The following THRB variants were observed in gnomAD, a reference collection of about 807,000 sequenced individuals.
The protein encoded by THRB is nuclear receptor subfamily 1 group A member 2.
Under a neutral mutation model 47.8 loss-of-function variants are expected in THRB, and 12 were observed. The observed-to-expected ratio is 0.25, with a 90% CI of 0.16 to 0.41. The LOEUF (loss-of-function observed/expected upper bound fraction) is 0.41, where lower values mean the gene tolerates loss of function less well. Among genes scored for constraint, THRB ranks in the 10% least tolerant of loss-of-function variants. The pLI is 1.00. For missense variants in THRB, 348 were observed against 589.2 expected (o/e 0.59, Z 4.24); for synonymous variants, 218 against 212.2 (o/e 1.03, Z -0.24).
chr3:24,486,024 C>T (rs567744460), intron 1 of THRB, among the ~76,000 whole-genome samples: 1 of 152,220 alleles, frequency 6.6e-6, no homozygotes, highest in African/African-American at 2.4e-5. Flanking sequence ...CTCCACGGCC[C>T]CAGTTCCAAA....
intron 2 of THRB, among the ~76,000 whole-genome samples, chr3:24,335,600 G>C (rs1387958424): frequency 6.6e-6 from 1 of 152,028 alleles, no homozygotes; most frequent in Non-Finnish European, 1.5e-5. Context: ...GGTAGCCCAC[G>C]GTTCTATAAA....
intron 3 of THRB, among the ~76,000 whole-genome samples, chr3:24,243,011 C>A (rs1276045203): frequency 7.0e-6 from 1 of 143,690 alleles, no homozygotes; most frequent in African/African-American, 2.6e-5. Context: ...CTACTTAGTG[C>A]TCTGAAAGCT....
chr3:24,150,059 C>A (rs780526438), intron 6 of THRB, among the ~76,000 whole-genome samples: 1 of 152,194 alleles, frequency 6.6e-6, no homozygotes, highest in Admixed American at 6.5e-5. Flanking sequence ...ATTCAGGCAG[C>A]TGTTGAAAAG....
chr3:24,357,346 C>CAAAAAAAAAAAAAAAAAACAAAA (rs2063741695), intron 1 of THRB, among the ~76,000 whole-genome samples: 1 of 28,714 alleles, frequency 3.5e-5, no homozygotes, highest in Non-Finnish European at 6.5e-5. Flanking sequence ...TTGTCTCTCC[C>CAAAAAAAAAAAAAAAAAACAAAA]AAAAAAAAAA....
chr3:24,159,505 C>A (rs927664767), intron 5 of THRB, among the ~76,000 whole-genome samples: 2 of 152,098 alleles, frequency 1.3e-5, no homozygotes, highest in African/African-American at 4.8e-5. Flanking sequence ...CAGGTGTACT[C>A]CATTTTGACA....
In THRB at chr3:24,146,656, C is replaced by G; in HGVS notation, c.532+19G>C. 1.2e-6 allele frequency: 2 copies of G among 1,613,462 alleles called. No homozygotes were observed. Among genetic ancestry groups the G allele is most frequent in the Non-Finnish European group, 8.5e-7 (1 of 1,179,410 alleles). On this transcript the variant is annotated intron_variant, in intron 7 of 10. Transcript: ENST00000646209. ...TAATCAACATTCCTTGAATATGAAG[C>G]AAGTGAAGATCTACTTACAATCTGT...
intron 4 of THRB, among the ~76,000 whole-genome samples, chr3:24,218,658 T>C (rs994141408): frequency 1.3e-5 from 2 of 152,132 alleles, no homozygotes; most frequent in African/African-American, 4.8e-5. Context: ...CTGTTGTATG[T>C]TGTGCCCCAG....
chr3:24,242,964 G>A (rs1049393894), intron 3 of THRB, among the ~76,000 whole-genome samples: 1 of 151,480 alleles, frequency 6.6e-6, no homozygotes, highest in African/African-American at 2.4e-5. Context: ...TCATCTGTGG[G>A]GTTTTGTTTC....
At chr3:24,462,718 C>A (rs1415860686) in intron 1 of THRB, among the ~76,000 whole-genome samples, 1 of 152,116 alleles carries the variant, frequency 6.6e-6, no homozygotes, top group East Asian at 1.9e-4. Flanking sequence ...TTTGTTCCTG[C>A]CCAGATTCTT....
At chr3:24,205,946 G>A (rs1419112673) in intron 4 of THRB, among the ~76,000 whole-genome samples, 1 of 152,198 alleles carries the variant, frequency 6.6e-6, no homozygotes, top group South Asian at 2.1e-4. Context: ...AACAAGAAGA[G>A]CTAACTATCC....
At chr3:24,456,398 T>G (rs2125595866) in intron 1 of THRB, among the ~76,000 whole-genome samples, 1 of 152,076 alleles carries the variant, frequency 6.6e-6, no homozygotes, top group African/African-American at 2.4e-5. Flanking sequence ...CAATCTGTTT[T>G]GGTTGTCACC....
chr3:24,282,640 C>T (rs2054738506), intron 3 of THRB, among the ~76,000 whole-genome samples: 1 of 144,238 alleles, frequency 6.9e-6, no homozygotes, highest in Non-Finnish European at 1.5e-5. Context: ...GTTAACGAAT[C>T]CAGGAGCTGG....
At chr3:24,153,006 G>T (rs1184037451) in intron 5 of THRB, among the ~76,000 whole-genome samples, 3 of 142,168 alleles carry the variant, frequency 2.1e-5, no homozygotes, top group Non-Finnish European at 4.6e-5. Flanking sequence ...AAGAAAGAAA[G>T]ATAGCTGTGA....
chr3:24,387,994 C>T (rs968350667), intron 1 of THRB, among the ~76,000 whole-genome samples: 2 of 152,070 alleles, frequency 1.3e-5, no homozygotes, highest in African/African-American at 4.8e-5. Flanking sequence ...GCAACACAGT[C>T]CATGCAGAAA....
chr3:24,407,262 G>A (rs1032998418), intron 1 of THRB, among the ~76,000 whole-genome samples: 2 of 151,752 alleles, frequency 1.3e-5, no homozygotes, highest in African/African-American at 4.8e-5. Context: ...CCATGTACAT[G>A]TCAACTTTCT....
chr3:24,425,714 G>A (rs1320781278), intron 1 of THRB, among the ~76,000 whole-genome samples: 2 of 151,806 alleles, frequency 1.3e-5, no homozygotes, highest in Non-Finnish European at 2.9e-5. Flanking sequence ...GTGCCTATGG[G>A]GGATTATTCT....
intron 3 of THRB, among the ~76,000 whole-genome samples, chr3:24,248,591 G>A (rs1184327878): frequency 6.6e-6 from 1 of 152,140 alleles, no homozygotes; most frequent in Non-Finnish European, 1.5e-5. Flanking sequence ...CCTTGCCAGA[G>A]GGCTTTCTAT....
chr3:24,122,528 T>G lies in THRB; in HGVS notation c.*356A>C. ...GGTGGAGGTGGTCGTATTATCTTGGTTTTAAGGCTTCTTTAGTGTCCTGTG... is the reference window on the plus strand; with the variant it reads ...GGTGGAGGTGGTCGTATTATCTTGGGTTTAAGGCTTCTTTAGTGTCCTGTG... On this transcript the variant is annotated 3_prime_UTR_variant, in exon 11 of 11. Coordinates refer to ENST00000646209, the MANE Select transcript of THRB (RefSeq NM_001354712.2). 2.8e-6 allele frequency: 1 copy of G among 351,104 alleles called. No individual in the cohort carries two copies. The highest frequency in any genetic ancestry group is 5.5e-6 in the Non-Finnish European group (1 of 182,618). The allele number at this position is 351,104 out of a possible 1,614,324, so 21.7% of individuals were successfully genotyped here. A position where few individuals can be genotyped will look rare whatever the true frequency, so the allele number is the denominator to read the frequency against.
chr3:24,280,831 G>A (rs1434233179), intron 3 of THRB, among the ~76,000 whole-genome samples: 7 of 150,580 alleles, frequency 4.6e-5, no homozygotes, highest in Non-Finnish European at 5.9e-5. Context: ...GGAAGAAAGG[G>A]TATCAGTGAT....
Sources: gnomAD v4.1 joint callset for allele counts (sites outside exome capture counted in the v4.1 genomes callset) on GRCh38, gnomAD v4.1.1 for gene constraint, MANE v1.5 for transcripts, NCBI Gene and HGNC (gene_info 2026-07-23, HGNC 2026-07-21) for gene names.